AUTS2: variants seen among roughly 807,000 people sequenced by gnomAD.
AUTS2 encodes the protein autism susceptibility gene 2 protein.
In AUTS2, 17 loss-of-function variants were observed where a neutral mutation model predicts 112.4. The observed-to-expected ratio is 0.15, with a 90% CI of 0.10 to 0.23. The LOEUF (loss-of-function observed/expected upper bound fraction) is 0.23. Among genes scored for constraint, AUTS2 ranks in the 10% least tolerant of loss-of-function variants. The pLI is 1.00. For missense variants in AUTS2, 1,510 were observed against 1,701.6 expected, an observed-to-expected ratio of 0.89 and a Z score of 1.98; for synonymous variants, 751 against 702.7, an observed-to-expected ratio of 1.07 and a Z score of -1.09.
intron 2 of AUTS2, among the ~76,000 whole-genome samples, chr7:70,030,281 C>T (rs1800715447): frequency 6.6e-6 from 1 of 152,244 alleles, no homozygotes; most frequent in African/African-American, 2.4e-5. Context: ...TGGGCTGCCA[C>T]AGTCCAGTTG....
intron 5 of AUTS2, among the ~76,000 whole-genome samples, chr7:70,637,198 C>T (rs1442165937): frequency 2.0e-5 from 3 of 152,148 alleles, no homozygotes; most frequent in African/African-American, 7.2e-5. Flanking sequence ...AACCATTATG[C>T]TTTTTAAAAG....
intron 5 of AUTS2, among the ~76,000 whole-genome samples, chr7:70,633,594 G>C (rs1368809367): frequency 1.2e-5 from 1 of 82,794 alleles, no homozygotes; most frequent in African/African-American, 5.8e-5. Context: ...CTGGGCCACA[G>C]AGCAAGACTC....
chr7:70,558,259 G>A (rs765644171), intron 5 of AUTS2, among the ~76,000 whole-genome samples: 58 of 152,258 alleles, frequency 3.8e-4, no homozygotes, highest in Middle Eastern at 3.4e-3. Context: ...CAGATACTCT[G>A]CGTAAAATTT....
chr7:70,269,259 AGTCCTAC>A (rs1787573347), intron 4 of AUTS2, among the ~76,000 whole-genome samples: 1 of 152,172 alleles, frequency 6.6e-6, no homozygotes, highest in Non-Finnish European at 1.5e-5. Flanking sequence ...CTTGAGGAAT[AGTCCTAC>A]TTTTTGCCAT....
chr7:69,677,058 T>A lies in AUTS2; in HGVS notation c.309+77096T>A, dbSNP rs539847805. The stretch of plus-strand genomic sequence containing the variant: ...TTCTGAAGAGAGATAGAAAATCTAA[T>A]CTATTTGGATGTCTTGTTAAATGGA... On this transcript the variant is annotated intron_variant, in intron 1 of 18. Transcript: ENST00000342771. Among the ~76,000 whole-genome samples the A allele has an allele frequency of 2.0e-5, 3 of 152,274 alleles. No individual in the cohort carries two copies. In the South Asian group the frequency reaches 6.2e-4, roughly 32 times the overall value.
chr7:70,165,252 TAGGC>T (rs1808323027), intron 4 of AUTS2, among the ~76,000 whole-genome samples: 3 of 151,878 alleles, frequency 2.0e-5, no homozygotes, highest in African/African-American at 7.3e-5. Context: ...AGAGAGAAAA[TAGGC>T]TAGAAGAAAC....
intron 2 of AUTS2, among the ~76,000 whole-genome samples, chr7:69,949,725 C>T (rs1452917088): frequency 6.6e-6 from 1 of 152,124 alleles, no homozygotes; most frequent in Non-Finnish European, 1.5e-5. Context: ...TTCCATGATG[C>T]TCTTCTTCCA....
chr7:70,226,616 C>T (rs193106118), intron 4 of AUTS2, among the ~76,000 whole-genome samples: 9 of 152,226 alleles, frequency 5.9e-5, no homozygotes, highest in Admixed American at 5.9e-4. Context: ...ACTTGGGTAA[C>T]TTGGTTCAGC....
intron 1 of AUTS2, among the ~76,000 whole-genome samples, chr7:69,688,621 T>C (rs1401087439): frequency 6.6e-6 from 1 of 152,210 alleles, no homozygotes; most frequent in Non-Finnish European, 1.5e-5. Context: ...ATCATTTCTT[T>C]TTGTTGGGTG....
At chr7:69,969,974 A>G (rs530840785) in intron 2 of AUTS2, among the ~76,000 whole-genome samples, 2 of 152,326 alleles carry the variant, frequency 1.3e-5, no homozygotes, top group South Asian at 2.1e-4. Flanking sequence ...CAAGTAACGC[A>G]TGACCAAAAA....
chr7:70,305,833 A>G (rs549037235), intron 4 of AUTS2, among the ~76,000 whole-genome samples: 5 of 152,338 alleles, frequency 3.3e-5, no homozygotes, highest in South Asian at 4.2e-4. Context: ...ATATGTGTAC[A>G]TCTGGTGAGT....
At chr7:70,380,235 G>A (rs906147001) in intron 4 of AUTS2, among the ~76,000 whole-genome samples, 4 of 152,176 alleles carry the variant, frequency 2.6e-5, no homozygotes, top group Non-Finnish European at 5.9e-5. Flanking sequence ...TCTGATTAAT[G>A]TGGCTCTGGG....
At chr7:69,684,937 C>T (rs1311606805) in intron 1 of AUTS2, among the ~76,000 whole-genome samples, 2 of 152,142 alleles carry the variant, frequency 1.3e-5, no homozygotes, top group African/African-American at 4.8e-5. Context: ...CAGTTAAAAT[C>T]TGTATGTTCA....
intron 1 of AUTS2, among the ~76,000 whole-genome samples, chr7:69,833,824 A>G (rs1791603995): frequency 6.6e-6 from 1 of 152,230 alleles, no homozygotes; most frequent in Non-Finnish European, 1.5e-5. Context: ...CGATAAGTGT[A>G]TTACATTCTA....
At chr7:70,010,205 G>C (rs1333519860) in intron 2 of AUTS2, among the ~76,000 whole-genome samples, 1 of 152,000 alleles carries the variant, frequency 6.6e-6, no homozygotes, top group Non-Finnish European at 1.5e-5. Flanking sequence ...GAGTGCAGTA[G>C]TGTGGTCACA....
chr7:70,354,178 A>T (rs1236702566), intron 4 of AUTS2, among the ~76,000 whole-genome samples: 1 of 152,230 alleles, frequency 6.6e-6, no homozygotes, highest in Non-Finnish European at 1.5e-5. Flanking sequence ...GATCAGATAC[A>T]AAGTCCTGGT....
intron 4 of AUTS2, among the ~76,000 whole-genome samples, chr7:70,353,461 C>G (rs559205481): frequency 6.6e-6 from 1 of 151,982 alleles, no homozygotes; most frequent in African/African-American, 2.4e-5. Flanking sequence ...ACACAGGAGA[C>G]CTTTCTAGTC....
intron 10 of AUTS2, among the ~76,000 whole-genome samples, chr7:70,768,566 G>A (rs888204945): frequency 6.6e-6 from 1 of 151,998 alleles, no homozygotes; most frequent in Non-Finnish European, 1.5e-5. Context: ...TTGTTCTGTT[G>A]AGTTTGTTAC....
intron 1 of AUTS2, among the ~76,000 whole-genome samples, chr7:69,740,626 G>A (rs745729338): frequency 3.3e-5 from 5 of 151,926 alleles, no homozygotes; most frequent in Non-Finnish European, 7.4e-5. Context: ...CGGGTTCAAG[G>A]AATTCTCCTG....
Sources: allele counts gnomAD v4.1 joint callset (sites outside exome capture counted in the v4.1 genomes callset), GRCh38; gene constraint gnomAD v4.1.1; transcripts MANE v1.5; gene names NCBI Gene and HGNC (gene_info 2026-07-23, HGNC 2026-07-21).